ROCK2: variants seen among roughly 807,000 people sequenced by gnomAD.
ROCK2 encodes the protein rho-associated protein kinase 2.
Under a neutral mutation model 195.1 loss-of-function variants are expected in ROCK2, and 61 were observed. The ratio of observed to expected loss-of-function variants is 0.31; its 90% CI spans 0.25 to 0.39. The LOEUF (loss-of-function observed/expected upper bound fraction) is 0.39, where lower values mean the gene tolerates loss of function less well. Among genes scored for constraint, ROCK2 ranks in the 10% least tolerant of loss-of-function variants. The pLI is 1.00. For synonymous variants in ROCK2, 504 were observed against 545.5 expected (o/e 0.92, Z 1.06); for missense variants, 1,109 against 1,637.4 (o/e 0.68, Z 5.57).
chr2:11,243,186 C>T (rs1203377461), intron 4 of ROCK2, among the ~76,000 whole-genome samples: 1 of 152,144 alleles, frequency 6.6e-6, no homozygotes, highest in Non-Finnish European at 1.5e-5. Context: ...AAACTGGATC[C>T]TCCTGCTATA....
intron 1 of ROCK2, among the ~76,000 whole-genome samples, chr2:11,298,395 G>A (rs1161014385): frequency 1.3e-5 from 2 of 150,996 alleles, no homozygotes; most frequent in Non-Finnish European, 1.5e-5. Flanking sequence ...ACTTGAGCCT[G>A]GGAGGCAGAG....
intron 1 of ROCK2, among the ~76,000 whole-genome samples, chr2:11,295,989 A>AGAGAGAGAG (rs1329784247): frequency 4.7e-4 from 11 of 23,450 alleles, no homozygotes; most frequent in African/African-American, 9.3e-4. Flanking sequence ...AGAGAGAGAG[A>AGAGAGAGAG]GGAGAGAGAG....
chr2:11,248,738 A>AAAAAAAAAAAAAAAAAAG, intron 4 of ROCK2, among the ~76,000 whole-genome samples: 1 of 133,744 alleles, frequency 7.5e-6, no homozygotes, highest in Non-Finnish European at 1.6e-5. Flanking sequence ...AAAAAAAAAA[A>AAAAAAAAAAAAAAAAAAG]GAAAGAATGA....
In ROCK2 at chr2:11,214,474, C is replaced by T. The variant is rs780583976; in HGVS notation, c.1937-11G>A. ...GGCCACATATTCTACCTAAAAATTG[C>T]AACGTTTTTTTAAAACATTAAACCC... On this transcript the variant is annotated splice_polypyrimidine_tract_variant and intron_variant, in intron 16 of 32. Transcript: ENST00000315872. 4.1e-5 allele frequency: 62 copies of T among 1,498,170 alleles called. No individual in the cohort carries two copies. Among genetic ancestry groups the T allele is most frequent in the Non-Finnish European group, 5.5e-5 (60 of 1,085,180 alleles). The allele number at this position is 1,498,170 out of a possible 1,614,324, so 92.8% of individuals were successfully genotyped here. A position where few individuals can be genotyped will look rare whatever the true frequency, so the allele number is the denominator to read the frequency against.
At chr2:11,280,631 G>GTGAA (rs377589916) in intron 3 of ROCK2, among the ~76,000 whole-genome samples, 1 of 152,046 alleles carries the variant, frequency 6.6e-6, no homozygotes, top group Non-Finnish European at 1.5e-5. Context: ...ACTTGTCTCA[G>GTGAA]TGAATGAATG....
At chr2:11,196,931 T>C (rs1393291434) in intron 27 of ROCK2, among the ~76,000 whole-genome samples, 1 of 152,150 alleles carries the variant, frequency 6.6e-6, no homozygotes, top group Non-Finnish European at 1.5e-5. Flanking sequence ...AGCTTAAAAA[T>C]AGAGCTAATA....
At chr2:11,322,225 C>T (rs1187920615) in intron 1 of ROCK2, among the ~76,000 whole-genome samples, 1 of 152,038 alleles carries the variant, frequency 6.6e-6, no homozygotes, top group African/African-American at 2.4e-5. Context: ...ATTTAGAATA[C>T]TACACAAAAC....
At chr2:11,220,023 T>A (rs947305705) in intron 9 of ROCK2, among the ~76,000 whole-genome samples, 1 of 152,146 alleles carries the variant, frequency 6.6e-6, no homozygotes, top group Non-Finnish European at 1.5e-5. Flanking sequence ...TTTGTTGTTG[T>A]TGTTGTTGTT....
chr2:11,231,356 C>T (rs11676201), intron 5 of ROCK2, among the ~76,000 whole-genome samples: 37,580 of 151,844 alleles, frequency 0.25, 5,383 homozygotes, highest in East Asian at 0.55. Flanking sequence ...TATAGGCCCG[C>T]GCCATCATGC....
chr2:11,202,827 G>A (rs1370835189), intron 20 of ROCK2, among the ~76,000 whole-genome samples: 1 of 152,258 alleles, frequency 6.6e-6, no homozygotes, highest in Admixed American at 6.5e-5. Flanking sequence ...AGAGTATAAA[G>A]GGGTTCTGAG....
At chr2:11,331,742 T>C (rs865901352) in intron 1 of ROCK2, among the ~76,000 whole-genome samples, 4 of 151,988 alleles carry the variant, frequency 2.6e-5, no homozygotes, top group Admixed American at 6.6e-5. Context: ...CTGGCCAACA[T>C]AGTGAAACCC....
chr2:11,292,927 T>TAGC, intron 1 of ROCK2, among the ~76,000 whole-genome samples: 1 of 152,144 alleles, frequency 6.6e-6, no homozygotes, highest in Admixed American at 6.5e-5. Flanking sequence ...TAGAAGTGTG[T>TAGC]AGCACCTCCC....
At chr2:11,204,647 G>A (rs914452838) in intron 20 of ROCK2, among the ~76,000 whole-genome samples, 2 of 152,032 alleles carry the variant, frequency 1.3e-5, no homozygotes, top group African/African-American at 4.8e-5. Flanking sequence ...CTACATTTTA[G>A]GAAATTTCTT....
chr2:11,214,800 A>G, intron 16 of ROCK2, 40 bp downstream of exon 16: 1 of 1,546,334 alleles, frequency 6.5e-7, no homozygotes, highest in Non-Finnish European at 8.7e-7. Context: ...TAAAATAAGA[A>G]TCATCAAAAT....
Position 11,183,432 on chromosome 2 carries a change from G to A in ROCK2, c.*5C>T, listed in dbSNP as rs768760993. On this transcript the variant is annotated 3_prime_UTR_variant, in exon 33 of 33. Transcript: ENST00000315872. The stretch of plus-strand genomic sequence containing the variant: ...TTGAATAATGACTGCTTTCATAGAA[G>A]GCAGTTAGCTGAAAAGAAAGGAAAA... The A allele has an allele frequency of 2.9e-5, 47 of 1,594,758 alleles. No individual in the cohort carries two copies. Among genetic ancestry groups the A allele is most frequent in the Non-Finnish European group, 3.0e-5 (35 of 1,167,284 alleles).
intron 3 of ROCK2, among the ~76,000 whole-genome samples, chr2:11,273,884 G>A (rs1268997318): frequency 6.7e-6 from 1 of 148,790 alleles, no homozygotes; most frequent in Non-Finnish European, 1.5e-5. Context: ...AGCCGAGGTT[G>A]CGCCACTGCA....
intron 8 of ROCK2, 58 bp downstream of exon 8, chr2:11,222,025 A>G: frequency 1.0e-6 from 1 of 979,452 alleles, no homozygotes; most frequent in South Asian, 1.5e-5. Flanking sequence ...CAAAAAAGGA[A>G]TCAACTTATG....
At chr2:11,286,459 A>T (rs908240439) in intron 3 of ROCK2, 80 bp downstream of exon 3, 4 of 854,766 alleles carry the variant, frequency 4.7e-6, no homozygotes, top group Non-Finnish European at 7.6e-6. Flanking sequence ...CATAGAAATT[A>T]GATCTACTCA....
intron 7 of ROCK2, among the ~76,000 whole-genome samples, chr2:11,223,530 T>C (rs768634789): frequency 4.6e-5 from 7 of 152,182 alleles, no homozygotes; most frequent in Admixed American, 3.9e-4. Context: ...TAAGGAATCT[T>C]AGCATATTAA....
Sources: allele counts gnomAD v4.1 joint callset (sites outside exome capture counted in the v4.1 genomes callset), GRCh38; gene constraint gnomAD v4.1.1; transcripts MANE v1.5; gene names NCBI Gene and HGNC (gene_info 2026-07-23, HGNC 2026-07-21).